PRPSAP1: variants seen among roughly 807,000 people sequenced by gnomAD.
The protein encoded by PRPSAP1 is phosphoribosyl pyrophosphate synthase-associated protein 1.
A neutral mutation model predicts 39.4 loss-of-function variants in PRPSAP1; 31 were observed. The ratio of observed to expected loss-of-function variants is 0.79; its 90% CI spans 0.59 to 1.06. The LOEUF (loss-of-function observed/expected upper bound fraction) is 1.06. Ranked by LOEUF, PRPSAP1 falls within the 50% of genes least tolerant of loss-of-function variation. The pLI, the probability that PRPSAP1 is intolerant of heterozygous loss-of-function variation, is 0.00. For synonymous variants in PRPSAP1, 212 were observed against 192.6 expected (o/e 1.10, Z -0.83); for missense variants, 430 against 511.6 (o/e 0.84, Z 1.54).
chr17:76,344,364 C>T (rs1162441383), intron 3 of PRPSAP1, among the ~76,000 whole-genome samples: 3 of 152,152 alleles, frequency 2.0e-5, no homozygotes, highest in African/African-American at 4.8e-5. Flanking sequence ...CTCCTGACCT[C>T]GTGATCCGCC....
intron 3 of PRPSAP1, among the ~76,000 whole-genome samples, chr17:76,342,739 A>T (rs1023383131): frequency 1.3e-5 from 2 of 151,300 alleles, no homozygotes; most frequent in African/African-American, 4.9e-5. Flanking sequence ...AAAAAAAAAG[A>T]AAGTCAAATA....
At chr17:76,313,775 A>T in intron 8 of PRPSAP1, 46 bp downstream of exon 8, 9 of 1,603,500 alleles carry the variant, frequency 5.6e-6, no homozygotes, top group Non-Finnish European at 7.7e-6. Flanking sequence ...CTACTGACCA[A>T]GAGCCAGGAG....
At chr17:76,324,396 C>T (rs972376284) in intron 7 of PRPSAP1, among the ~76,000 whole-genome samples, 1 of 151,212 alleles carries the variant, frequency 6.6e-6, no homozygotes, top group Non-Finnish European at 1.5e-5. Flanking sequence ...GTCAGGAGTT[C>T]CAGACCAGCC....
intron 7 of PRPSAP1, among the ~76,000 whole-genome samples, chr17:76,319,904 G>C (rs576253168): frequency 2.3e-4 from 35 of 152,246 alleles, no homozygotes; most frequent in African/African-American, 7.9e-4. Context: ...AAGTGTTGGG[G>C]ACATGCCAAA....
chr17:76,343,969 G>A (rs1227092723), intron 3 of PRPSAP1, among the ~76,000 whole-genome samples: 1 of 151,674 alleles, frequency 6.6e-6, no homozygotes, highest in Non-Finnish European at 1.5e-5. Flanking sequence ...TTTTTCTTTG[G>A]TGAGACAGTC....
chr17:76,311,719 AAAAC>A lies in PRPSAP1; in HGVS notation c.1000-23_1000-20del. The A allele has an allele frequency of 1.2e-6, 2 of 1,607,634 alleles. No individual in the cohort carries two copies. Among genetic ancestry groups the A allele is most frequent in the Non-Finnish European group, 1.7e-6 (2 of 1,176,514 alleles). Reference sequence around the variant, plus strand: ...CCACCACCTAGTCACACAGTGATGGAAAACAAACGCTGTTACTGAAGTCTGTTCT... The same window carrying A: ...CCACCACCTAGTCACACAGTGATGGAAAACGCTGTTACTGAAGTCTGTTCT... On this transcript the variant is annotated intron_variant, in intron 9 of 9. Transcript: ENST00000446526.
rs151003034 is a variant in PRPSAP1, at chr17:76,324,741, G to A, written c.781+3976C>T. Among the ~76,000 whole-genome samples, 847 of 152,132 alleles carry A rather than the reference G, an allele frequency of 5.6e-3. 6 individuals carry two copies. Among genetic ancestry groups the A allele is most frequent in the African/African-American group, 0.019 (804 of 41,522 alleles). ...ACAATCACTCTTGCCTGTAATCCCA[G>A]CTACTCAGGAGGCTGAGGTATAAAA... On this transcript the variant is annotated intron_variant, in intron 7 of 9. Coordinates refer to ENST00000446526, the MANE Select transcript of PRPSAP1 (RefSeq NM_002766.3).
intron 3 of PRPSAP1, 147 bp from the exon 4 acceptor site, chr17:76,332,582 G>C: frequency 2.2e-6 from 2 of 909,224 alleles, no homozygotes; most frequent in Non-Finnish European, 3.3e-6. Flanking sequence ...ACCTCATGAA[G>C]GCAGGGGAAG....
intron 7 of PRPSAP1, among the ~76,000 whole-genome samples, chr17:76,325,180 C>T (rs902992895): frequency 6.6e-6 from 1 of 151,120 alleles, no homozygotes; most frequent in Non-Finnish European, 1.5e-5. Context: ...GAAGCCGAGG[C>T]GGGCGGATCA....
chr17:76,353,362 C>T (rs1033196215), intron 1 of PRPSAP1, 172 bp downstream of exon 1: 2 of 649,056 alleles, frequency 3.1e-6, no homozygotes, highest in Admixed American at 4.2e-5. Context: ...GCTGCAAAAC[C>T]GGGGAGCGGG....
intron 2 of PRPSAP1, among the ~76,000 whole-genome samples, chr17:76,348,242 GCAA>G (rs2071531423): frequency 6.6e-6 from 1 of 152,040 alleles, no homozygotes; most frequent in African/African-American, 2.4e-5. Flanking sequence ...GGAGGCCGAG[GCAA>G]TAGGGTCCCC....
chr17:76,311,536 T>G lies in PRPSAP1; in HGVS notation c.*6A>C. 2 of 1,613,264 alleles carry G rather than the reference T, an allele frequency of 1.2e-6. No homozygotes were observed. The highest frequency in any genetic ancestry group is 2.2e-5 in the South Asian group (2 of 90,970). ...AGGAGGTCCAGGGTCGAGACCCTCG[T>G]GAAAGCTAGTCATCCACAGTGATGT... On this transcript the variant is annotated 3_prime_UTR_variant, in exon 10 of 10. Coordinates refer to ENST00000446526, the MANE Select transcript of PRPSAP1 (RefSeq NM_002766.3).
chr17:76,328,652 C>T, intron 7 of PRPSAP1, 65 bp downstream of exon 7: 1 of 1,554,106 alleles, frequency 6.4e-7, no homozygotes, highest in South Asian at 1.2e-5. Flanking sequence ...ACAAAACCAA[C>T]AAAACCAACA....
rs1965890 is a variant in PRPSAP1 at position 76,347,512 on chromosome 17, A to G, written c.223+1017T>C. ...AAAAAAAAAAAAAAAAAAAAAAAAAAGAAAGCAGACAGAGTGAGGGGAAAG... is the reference window on the plus strand; with the variant it reads ...AAAAAAAAAAAAAAAAAAAAAAAAAGGAAAGCAGACAGAGTGAGGGGAAAG... On this transcript the variant is annotated intron_variant, in intron 2 of 9. Coordinates refer to ENST00000446526, the MANE Select transcript of PRPSAP1 (RefSeq NM_002766.3). 2.0e-5 allele frequency among the ~76,000 whole-genome samples: 3 copies of G among 147,540 alleles called. No homozygotes were observed. In the East Asian group the frequency reaches 5.8e-4, roughly 29 times the overall value.
At chr17:76,326,018 C>T (rs1056861423) in intron 7 of PRPSAP1, among the ~76,000 whole-genome samples, 4 of 152,142 alleles carry the variant, frequency 2.6e-5, no homozygotes, top group African/African-American at 9.7e-5. Flanking sequence ...ATAACTTTTA[C>T]ATGTGCTGGG....
At chr17:76,334,666 G>A (rs2071360403) in intron 3 of PRPSAP1, among the ~76,000 whole-genome samples, 1 of 151,992 alleles carries the variant, frequency 6.6e-6, no homozygotes. Context: ...TCCCTGAGGA[G>A]ACTGATGCAG....
At chr17:76,343,804 C>T (rs2071465949) in intron 3 of PRPSAP1, among the ~76,000 whole-genome samples, 1 of 152,096 alleles carries the variant, frequency 6.6e-6, no homozygotes, top group South Asian at 2.1e-4. Flanking sequence ...CACTGCACTC[C>T]AGCCGGGGTG....
chr17:76,347,484 C>CAAAAAAAAAAAAAAAA (rs71161289), intron 2 of PRPSAP1, among the ~76,000 whole-genome samples: 29 of 25,222 alleles, frequency 1.1e-3, no homozygotes, highest in South Asian at 6.9e-3. Flanking sequence ...AAGACTCCGT[C>CAAAAAAAAAAAAAAAA]AAAAAAAAAA....
At chr17:76,353,494 C>G in intron 1 of PRPSAP1, 40 bp downstream of exon 1, 1 of 1,461,150 alleles carries the variant, frequency 6.8e-7, no homozygotes, top group Non-Finnish European at 9.0e-7. Context: ...GAGAGCTAGG[C>G]GCCGCCGCCC....
Sources: gnomAD v4.1 joint callset for allele counts (sites outside exome capture counted in the v4.1 genomes callset) on GRCh38, gnomAD v4.1.1 for gene constraint, MANE v1.5 for transcripts, NCBI Gene and HGNC (gene_info 2026-07-23, HGNC 2026-07-21) for gene names.